Variants in OGFOD3 observed in about 807,000 individuals in gnomAD.
The protein encoded by OGFOD3 is 2-oxoglutarate and iron dependent oxygenase domain containing 3.
In OGFOD3, 35 loss-of-function variants were observed where a neutral mutation model predicts 39.8. The observed-to-expected ratio is 0.88, with a 90% CI of 0.67 to 1.17. The LOEUF (loss-of-function observed/expected upper bound fraction) is 1.17, where lower values mean the gene tolerates loss of function less well. OGFOD3 is among the 50% of genes most tolerant of loss of function. The probability of loss-of-function intolerance (pLI) is 0.00; values close to 1 mark genes in which losing one functional copy is unlikely to be tolerated. For synonymous variants in OGFOD3, 200 were observed against 192.0 expected (o/e 1.04, Z -0.34); for missense variants, 438 against 454.5 (o/e 0.96, Z 0.33).
rs1207547212 is a variant in OGFOD3 at position 82,389,331 on chromosome 17, C to T, written c.*3067G>A. 6.6e-6 allele frequency: 1 copy of T among 152,240 alleles called. No homozygotes were observed. The highest frequency in any genetic ancestry group is 1.5e-5 in the Non-Finnish European group (1 of 68,042). 9.4% of individuals were successfully genotyped at this position (152,240 alleles called of 1,614,324 possible). A position where few individuals can be genotyped will look rare whatever the true frequency, so the allele number is the denominator to read the frequency against. On this transcript the variant is annotated 3_prime_UTR_variant, in exon 9 of 9. Coordinates refer to ENST00000313056, the MANE Select transcript of OGFOD3 (RefSeq NM_024648.3). This position sits in a 1 kb window ranked among gnomAD's most constrained non-coding sequence, Gnocchi z 4.6. ...CTGAGACTCCAGTTCCTCCCTGGAA[C>T]CTTCTAGCGGAACCAATCACCCCTC...
At chr17:82,416,499 G>A (rs1020209179) in intron 1 of OGFOD3, among the ~76,000 whole-genome samples, 15 of 151,944 alleles carry the variant, frequency 9.9e-5, no homozygotes, top group African/African-American at 3.1e-4. Context: ...CATCAGGGCC[G>A]CACTCCCTCC....
In OGFOD3 at chr17:82,415,648, A is replaced by T. The variant is rs1410751869; in HGVS notation, c.75-21T>A. ...TGGTGCTGAGAACAGAAAACAGGCC[A>T]CGTCACCCAAACACGGAGTGAGGCC... On this transcript the variant is annotated intron_variant, in intron 1 of 8. Coordinates refer to ENST00000313056, the MANE Select transcript of OGFOD3 (RefSeq NM_024648.3). This position sits in a 1 kb window ranked among gnomAD's most constrained non-coding sequence, Gnocchi z 5.3. 18 of 1,589,540 alleles carry T rather than the reference A, an allele frequency of 1.1e-5. No individual in the cohort carries two copies. Among genetic ancestry groups the T allele is most frequent in the Non-Finnish European group, 1.5e-5 (18 of 1,164,326 alleles).
At chr17:82,408,079 G>A (rs146407919) in intron 4 of OGFOD3, among the ~76,000 whole-genome samples, 185 of 152,290 alleles carry the variant, frequency 1.2e-3, no homozygotes, top group African/African-American at 4.3e-3. Context: ...GGAGTTGGAG[G>A]TTGCAGTGAG....
Position 82,405,288 on chromosome 17 carries a change from C to T in OGFOD3, c.545+36G>A, listed in dbSNP as rs762764504. ...CACACCCCTCAGCCCCAGGCCACCC[C>T]GCCTGCGAACCCCCACCCGCCTCAC... On this transcript the variant is annotated intron_variant, in intron 6 of 8. Transcript: ENST00000313056. 2.3e-5 allele frequency: 37 copies of T among 1,594,002 alleles called. No individual in the cohort carries two copies. The South Asian group carries it at 2.9e-4, about 12-fold the overall frequency.
chr17:82,398,186 C>T lies in OGFOD3; in HGVS notation c.823+10G>A, dbSNP rs376957126. The T allele has an allele frequency of 2.9e-5, 47 of 1,613,914 alleles. No individual in the cohort carries two copies. The highest frequency in any genetic ancestry group is 2.7e-4 in the African/African-American group (20 of 75,010). ...GAGCCCCACGCCCAGGCCCCGCCCGCGCCTCCTACCAGCTCTCGGCTCCAC... is the reference window on the plus strand; with the variant it reads ...GAGCCCCACGCCCAGGCCCCGCCCGTGCCTCCTACCAGCTCTCGGCTCCAC... On this transcript the variant is annotated intron_variant, in intron 8 of 8. Transcript: ENST00000313056.
intron 8 of OGFOD3, among the ~76,000 whole-genome samples, chr17:82,396,111 C>T (rs2052668605): frequency 1.3e-5 from 2 of 151,182 alleles, no homozygotes; most frequent in Admixed American, 6.6e-5. Context: ...AGATGTATGA[C>T]ATCAAATCAC....
At chr17:82,398,117 C>A in intron 8 of OGFOD3, 79 bp downstream of exon 8, 1 of 1,568,812 alleles carries the variant, frequency 6.4e-7, no homozygotes, top group South Asian at 1.1e-5. Context: ...CAGCCTCGCT[C>A]CCAGGGACAC....
intron 7 of OGFOD3, among the ~76,000 whole-genome samples, chr17:82,399,168 T>C (rs1347578034): frequency 6.6e-6 from 1 of 152,160 alleles, no homozygotes; most frequent in Admixed American, 6.5e-5. Context: ...ATTAACAACA[T>C]GTGTCGGCCC....
chr17:82,417,168 G>C (rs1339730423), intron 1 of OGFOD3: 1 of 152,218 alleles, frequency 6.6e-6, no homozygotes, highest in Non-Finnish European at 1.5e-5. Context: ...GGTTTTGGGA[G>C]AAGGTAGAAT....
intron 2 of OGFOD3, among the ~76,000 whole-genome samples, chr17:82,414,594 C>T (rs1411096933): frequency 6.6e-6 from 1 of 152,210 alleles, no homozygotes; most frequent in East Asian, 1.9e-4. Context: ...AACAGAAACA[C>T]GTTCATTTTC....
intron 1 of OGFOD3, among the ~76,000 whole-genome samples, chr17:82,417,876 A>G (rs2053093992): frequency 6.6e-6 from 1 of 152,178 alleles, no homozygotes; most frequent in Non-Finnish European, 1.5e-5. Context: ...CAAGCAAGCG[A>G]GAAGCTGTAT....
At chr17:82,403,782 G>T (rs1050949796) in intron 7 of OGFOD3, 155 bp downstream of exon 7, 1 of 1,003,598 alleles carries the variant, frequency 1.0e-6, no homozygotes, top group Non-Finnish European at 1.5e-6. Context: ...GCCCACGTGC[G>T]TACTCACCCT....
At chr17:82,410,704 A>G (rs1184633924) in intron 3 of OGFOD3, among the ~76,000 whole-genome samples, 2 of 144,298 alleles carry the variant, frequency 1.4e-5, no homozygotes, top group East Asian at 2.1e-4. Flanking sequence ...TTGAAAGCAC[A>G]TAATTCTTTT....
chr17:82,405,416 C>T, intron 5 of OGFOD3, 36 bp from the exon 6 acceptor site: 1 of 1,521,040 alleles, frequency 6.6e-7, no homozygotes, highest in Non-Finnish European at 9.1e-7. Flanking sequence ...GGTCACAACA[C>T]TTCATTAATC....
chr17:82,400,764 G>A (rs935600256), intron 7 of OGFOD3: 2 of 152,208 alleles, frequency 1.3e-5, no homozygotes, highest in Admixed American at 1.3e-4. Context: ...CTGGCCAGAA[G>A]TCATAGCAAA....
At chr17:82,412,095 C>T (rs2052956742) in intron 2 of OGFOD3, among the ~76,000 whole-genome samples, 1 of 71,926 alleles carries the variant, frequency 1.4e-5, no homozygotes, top group Non-Finnish European at 2.9e-5. Context: ...GAAAACCCTC[C>T]TGAGACCACT....
intron 5 of OGFOD3, among the ~76,000 whole-genome samples, chr17:82,405,777 C>G (rs2052845580): frequency 6.6e-6 from 1 of 152,006 alleles, no homozygotes; most frequent in African/African-American, 2.4e-5. Flanking sequence ...TGGCACAACC[C>G]CATCTCTACT....
chr17:82,410,129 C>A, intron 3 of OGFOD3, among the ~76,000 whole-genome samples: 1 of 152,210 alleles, frequency 6.6e-6, no homozygotes. Context: ...ACCCACACGC[C>A]AGCTGTGCTG....
chr17:82,417,606 G>A (rs1269007590), intron 1 of OGFOD3, among the ~76,000 whole-genome samples: 2 of 120,826 alleles, frequency 1.7e-5, no homozygotes, highest in African/African-American at 6.6e-5. Flanking sequence ...GCAACAGAGC[G>A]AGCCTCTGTC....
Sources: gnomAD v4.1 joint callset for allele counts (sites outside exome capture counted in the v4.1 genomes callset) on GRCh38, gnomAD v4.1.1 for gene constraint, Gnocchi (gnomAD v3.1) non-coding constraint, MANE v1.5 for transcripts, NCBI Gene and HGNC (gene_info 2026-07-23, HGNC 2026-07-21) for gene names.